The following NLRP12 variants were observed in gnomAD, a reference collection of about 807,000 sequenced individuals.
NLRP12 encodes the protein NACHT, LRR and PYD domains-containing protein 12.
NLRP12 carries 108 observed loss-of-function variants against 91.2 expected under a neutral mutation model. That is an observed-to-expected ratio of 1.18 (90% CI 1.01 to 1.39). The LOEUF is 1.39. Among genes scored for constraint, NLRP12 ranks in the 40% most tolerant of loss-of-function variants. NLRP12 has a pLI of 0.00. For missense variants in NLRP12, 1,530 were observed against 1,352.7 expected, an observed-to-expected ratio of 1.13 and a Z score of -2.06; for synonymous variants, 613 against 566.7, an observed-to-expected ratio of 1.08 and a Z score of -1.16.
chr19:53,823,811 A>G (rs2092304479), intron 1 of NLRP12, 75 bp downstream of exon 1: 2 of 1,550,986 alleles, frequency 1.3e-6, no homozygotes, highest in East Asian at 4.5e-5. Flanking sequence ...CAGCCTCCCA[A>G]AGTGCTGAGA....
Position 53,793,891 on chromosome 19 carries a change from G to C in NLRP12, c.*158C>G. On this transcript the variant is annotated 3_prime_UTR_variant, in exon 10 of 10. Transcript: ENST00000324134. ...TGAGCCACCACGCCTGGCCAGCTCT[G>C]TCAAACATTAATTTGATCCCAAGCA... is the stretch of plus-strand genomic sequence containing the variant. 1 of 711,588 alleles carries C rather than the reference G, an allele frequency of 1.4e-6. No individual in the cohort carries two copies. Among genetic ancestry groups the C allele is most frequent in the African/African-American group, 1.7e-5 (1 of 57,278 alleles). 44.1% of individuals were successfully genotyped at this position (711,588 alleles called of 1,614,324 possible).
chr19:53,801,121 G>T, intron 7 of NLRP12, 106 bp downstream of exon 7: 20 of 941,170 alleles, frequency 2.1e-5, no homozygotes, highest in Non-Finnish European at 3.2e-5. Context: ...GGCTGATGTA[G>T]TAGCTAGAGT....
In NLRP12 at chr19:53,819,447, A is replaced by ATG. The variant is rs1401991028; in HGVS notation, c.289+4438_289+4439insCA. On this transcript the variant is annotated intron_variant, in intron 1 of 9. Transcript: ENST00000324134. ...TATATATATATATATATATATATAT[A>ATG]TATATATATATGTGTGTGTGTGTGT... is the stretch of plus-strand genomic sequence containing the variant. 1.7e-3 allele frequency among the ~76,000 whole-genome samples: 29 copies of ATG among 17,090 alleles called. 5 individuals carry two copies. The highest frequency in any genetic ancestry group is 3.1e-3 in the Non-Finnish European group (23 of 7,356). 11.2% of individuals were successfully genotyped at this position (17,090 alleles called of 152,430 possible). A position where few individuals can be genotyped will look rare whatever the true frequency, so the allele number is the denominator to read the frequency against.
At chr19:53,815,951 T>G (rs1568689687) in intron 1 of NLRP12, among the ~76,000 whole-genome samples, 2 of 151,298 alleles carry the variant, frequency 1.3e-5, no homozygotes, top group South Asian at 2.1e-4. Flanking sequence ...TTTTTTTTTT[T>G]GGTAGAGATT....
chr19:53,813,599 G>T (rs1381842234), intron 2 of NLRP12, among the ~76,000 whole-genome samples: 1 of 151,956 alleles, frequency 6.6e-6, no homozygotes, highest in Non-Finnish European at 1.5e-5. Flanking sequence ...ACCATGCCGG[G>T]CGTGGCAACT....
chr19:53,801,452 T>TC (rs1468639257), intron 6 of NLRP12, 55 bp from the exon 7 acceptor site: 93 of 1,267,550 alleles, frequency 7.3e-5, no homozygotes, highest in East Asian at 1.4e-4. Context: ...CTTTTTCTTT[T>TC]TTTTTTTTTT....
At chr19:53,819,455 A>ATGTGTGTGTGTGTG (rs1387933382) in intron 1 of NLRP12, among the ~76,000 whole-genome samples, 2 of 5,408 alleles carry the variant, frequency 3.7e-4, no homozygotes, top group Non-Finnish European at 7.5e-4. Context: ...ATATATATAT[A>ATGTGTGTGTGTGTG]TATGTGTGTG....
intron 6 of NLRP12, among the ~76,000 whole-genome samples, chr19:53,801,773 T>G (rs1568663114): frequency 6.6e-6 from 1 of 151,652 alleles, no homozygotes; most frequent in Non-Finnish European, 1.5e-5. Context: ...TTAACAGTAA[T>G]GCATTTTCAG....
chr19:53,807,421 G>C (rs912467893), intron 4 of NLRP12, 74 bp downstream of exon 4: 48 of 1,446,384 alleles, frequency 3.3e-5, no homozygotes, highest in Non-Finnish European at 4.4e-5. Flanking sequence ...TCCCGTGATA[G>C]AACCTTTGTG....
chr19:53,807,419 T>C (rs1466687152), intron 4 of NLRP12, 76 bp downstream of exon 4: 29 of 1,439,710 alleles, frequency 2.0e-5, no homozygotes, highest in Non-Finnish European at 2.6e-5. Context: ...CATCCCGTGA[T>C]AGAACCTTTG....
intron 1 of NLRP12, among the ~76,000 whole-genome samples, chr19:53,823,415 G>A (rs28431392): frequency 0.7 from 73,103 of 104,714 alleles, 25,923 homozygotes; most frequent in Non-Finnish European, 0.74. Context: ...TAAAATATAT[G>A]TTTTAAATAT....
At chr19:53,805,591 TACC>T (rs1211714307) in intron 4 of NLRP12, 141 bp from the exon 5 acceptor site, 11 of 876,194 alleles carry the variant, frequency 1.3e-5, no homozygotes, top group Non-Finnish European at 1.8e-5. Context: ...GATTTTGGCT[TACC>T]ACAACCTCTG....
rs1209386950 is a variant in NLRP12 at position 53,801,357 on chromosome 19, G to T, written c.2626C>A (p.Leu876Met). ...TGGTTCACACTGAGAGTTGAGGCCA[G>T]CTCGTCACAGGCAGCAGCAGTGAGG... The part of the protein sequence containing the change: ...CRLTAAACDE[L>M]ASTLSVNQSL... The change falls in exon 7 of 10, where the codon CTG becomes ATG. Residue 876 changes from leucine (L) to methionine (M), a missense_variant. Physicochemically the swap from Leu to Met is conservative, Grantham distance 15 (BLOSUM62 2). Transcript: ENST00000324134. 6.2e-7 allele frequency: 1 copy of T among 1,613,816 alleles called. No homozygotes were observed. The highest frequency in any genetic ancestry group is 1.3e-5 in the African/African-American group (1 of 74,872).
chr19:53,816,582 C>T (rs1441114743), intron 1 of NLRP12, among the ~76,000 whole-genome samples: 3 of 152,046 alleles, frequency 2.0e-5, no homozygotes, highest in Admixed American at 1.3e-4. Flanking sequence ...AGTGCAGTGG[C>T]GCGATCTCGG....
chr19:53,800,975 A>T (rs770383674), intron 7 of NLRP12, among the ~76,000 whole-genome samples: 10 of 151,956 alleles, frequency 6.6e-5, no homozygotes, highest in African/African-American at 9.7e-5. Flanking sequence ...CAGGCAGATC[A>T]TGAGGTCAGT....
At chr19:53,804,814 G>T (rs1407320841) in intron 5 of NLRP12, among the ~76,000 whole-genome samples, 1 of 151,698 alleles carries the variant, frequency 6.6e-6, no homozygotes, top group African/African-American at 2.4e-5. Context: ...GATCATTTGA[G>T]GTCAGGAGTT....
At chr19:53,796,243 T>G in intron 8 of NLRP12, 1 of 569,152 alleles carries the variant, frequency 1.8e-6, no homozygotes, top group Non-Finnish European at 3.2e-6. Flanking sequence ...TGGCTAATTT[T>G]TGTATCCTTT....
rs1259817505 is a variant in NLRP12, at chr19:53,823,475, A to AAT, written c.289+409_289+410dup. ...ATATATATTTTAAATATATATTTAAAATATATATTTTAAAATATATTTATT... is the reference window on the plus strand; with the variant it reads ...ATATATATTTTAAATATATATTTAAAATATATATATTTTAAAATATATTTATT... On this transcript the variant is annotated intron_variant, in intron 1 of 9. Coordinates refer to ENST00000324134, the MANE Select transcript of NLRP12 (RefSeq NM_144687.4). Among the ~76,000 whole-genome samples the AAT allele has an allele frequency of 2.4e-5, 3 of 123,170 alleles. 1 individual carries two copies. The highest frequency in any genetic ancestry group is 1.9e-4 in the Admixed American group (2 of 10,534). The allele number at this position is 123,170 out of a possible 152,430, so 80.8% of individuals were successfully genotyped here.
chr19:53,816,866 G>A (rs1428227678), intron 1 of NLRP12, among the ~76,000 whole-genome samples: 1 of 151,630 alleles, frequency 6.6e-6, no homozygotes, highest in African/African-American at 2.4e-5. Context: ...AATTGGAGAA[G>A]GTTATCATTG....
Sources: allele counts gnomAD v4.1 joint callset (sites outside exome capture counted in the v4.1 genomes callset), GRCh38; gene constraint gnomAD v4.1.1; transcripts MANE v1.5; gene names NCBI Gene and HGNC (gene_info 2026-07-23, HGNC 2026-07-21).